STK3: variants seen among roughly 807,000 people sequenced by gnomAD.
STK3 encodes serine/threonine kinase 3.
STK3 carries 41 observed loss-of-function variants against 58.0 expected under a neutral mutation model. The ratio of observed to expected loss-of-function variants is 0.71; its 90% CI spans 0.55 to 0.92. The LOEUF is 0.92. STK3 is among the 40% of genes least tolerant of loss of function. The probability of loss-of-function intolerance (pLI) is 0.00; values close to 1 mark genes in which losing one functional copy is unlikely to be tolerated. For synonymous variants in STK3, 170 were observed against 191.0 expected, an observed-to-expected ratio of 0.89 and a Z score of 0.91; for missense variants, 479 against 602.7, an observed-to-expected ratio of 0.79 and a Z score of 2.15.
intron 10 of STK3, among the ~76,000 whole-genome samples, chr8:98,465,451 A>G (rs147495476): frequency 6.6e-6 from 1 of 152,164 alleles, no homozygotes; most frequent in Admixed American, 6.5e-5. Context: ...TTCCTGTCAG[A>G]TTGTACCTGG....
chr8:98,907,040 C>T (rs113233501), intron 1 of STK3, among the ~76,000 whole-genome samples: 2,150 of 151,118 alleles, frequency 0.014, 50 homozygotes, highest in African/African-American at 0.05. Flanking sequence ...CACCTGTAGT[C>T]CCAGCTACTC....
At chr8:98,682,881 A>G (rs1251021263) in intron 6 of STK3, among the ~76,000 whole-genome samples, 1 of 152,066 alleles carries the variant, frequency 6.6e-6, no homozygotes, top group African/African-American at 2.4e-5. Flanking sequence ...TTCCTACCCT[A>G]TGCACACCTA....
At chr8:98,518,894 A>T (rs1376886711) in intron 10 of STK3, among the ~76,000 whole-genome samples, 1 of 152,154 alleles carries the variant, frequency 6.6e-6, no homozygotes, top group Non-Finnish European at 1.5e-5. Context: ...AGTTCATGCC[A>T]CATGTACACC....
chr8:98,662,846 C>T (rs2130795951), intron 6 of STK3, among the ~76,000 whole-genome samples: 1 of 152,008 alleles, frequency 6.6e-6, no homozygotes, highest in Non-Finnish European at 1.5e-5. Flanking sequence ...CCACAACAGG[C>T]CCCGGTGTGT....
At chr8:98,391,946 C>T (rs1586546187), upstream of STK3, among the ~76,000 whole-genome samples, 1 of 152,084 alleles carries the variant, frequency 6.6e-6, no homozygotes, top group Non-Finnish European at 1.5e-5. Flanking sequence ...CTTTTTATCC[C>T]AGTTACTGAA....
At chr8:98,789,319 C>T (rs927174293) in intron 1 of STK3, among the ~76,000 whole-genome samples, 1 of 151,982 alleles carries the variant, frequency 6.6e-6, no homozygotes, top group Non-Finnish European at 1.5e-5. Flanking sequence ...TGAAAGAGCA[C>T]AGACAATCTA....
chr8:98,347,237 G>A, the STK3 span, among the ~76,000 whole-genome samples: 1,075 of 151,958 alleles, frequency 7.1e-3, 8 homozygotes, highest in Middle Eastern at 0.02. Flanking sequence ...CGTATTGGCC[G>A]GGCACGGTGG....
chr8:98,634,580 G>T (rs904094246), intron 6 of STK3, among the ~76,000 whole-genome samples: 4 of 152,124 alleles, frequency 2.6e-5, no homozygotes, highest in African/African-American at 7.2e-5. Context: ...CTAACCAGTT[G>T]TTTCAAATAC....
chr8:98,903,544 C>G (rs866802107), intron 1 of STK3, among the ~76,000 whole-genome samples: 1 of 25,352 alleles, frequency 3.9e-5, no homozygotes, highest in African/African-American at 2.0e-4. Flanking sequence ...TCTTCTTCTT[C>G]TTCTTCTTCT....
At chr8:98,762,745 C>G (rs192683150) in intron 3 of STK3, among the ~76,000 whole-genome samples, 1 of 152,270 alleles carries the variant, frequency 6.6e-6, no homozygotes, top group Non-Finnish European at 1.5e-5. Flanking sequence ...AGGGTAGGGA[C>G]TATGTCAGTT....
chr8:98,898,460 G>A (rs535269983), intron 1 of STK3, among the ~76,000 whole-genome samples: 2 of 152,360 alleles, frequency 1.3e-5, no homozygotes, highest in East Asian at 3.9e-4. Context: ...GCCACTTTAT[G>A]TAGGGAATAA....
intron 6 of STK3, among the ~76,000 whole-genome samples, chr8:98,606,813 T>A (rs7341683): frequency 8.5e-5 from 13 of 152,344 alleles, no homozygotes; most frequent in African/African-American, 3.1e-4. Context: ...CTGATTAGCA[T>A]CCTTTATAAT....
chr8:98,767,106 G>A lies in STK3; in HGVS notation c.236+137C>T, dbSNP rs541570761. On this transcript the variant is annotated intron_variant, in intron 3 of 10. Transcript: ENST00000419617. ...ATTGCACTCCAGCCTGGGCAACAAC[G>A]GCAAAACCCTGTCTCAAAAAAAAGA... 9.0e-5 allele frequency: 97 copies of A among 1,073,992 alleles called. 1 individual carries two copies. The South Asian group carries it at 1.5e-3, about 16-fold the overall frequency. The allele number at this position is 1,073,992 out of a possible 1,614,324, so 66.5% of individuals were successfully genotyped here. A position where few individuals can be genotyped will look rare whatever the true frequency, so the allele number is the denominator to read the frequency against.
intron 1 of STK3, among the ~76,000 whole-genome samples, chr8:98,796,549 T>C (rs1281853308): frequency 6.6e-6 from 1 of 152,174 alleles, no homozygotes; most frequent in Non-Finnish European, 1.5e-5. Flanking sequence ...ATTCTGGACA[T>C]CAGCCTTGGG....
chr8:98,407,753 T>TGCGC (rs1243907122), intron 3 of STK3, among the ~76,000 whole-genome samples: 1 of 110,980 alleles, frequency 9.0e-6, no homozygotes, highest in African/African-American at 2.8e-5. Context: ...TGTGTGTGTG[T>TGCGC]GTGTGCGCGC....
chr8:98,623,503 G>A (rs1001459394), intron 6 of STK3, among the ~76,000 whole-genome samples: 54 of 152,142 alleles, frequency 3.5e-4, no homozygotes, highest in African/African-American at 1.3e-3. Flanking sequence ...AAAGGCCAGG[G>A]CTGGGCACAG....
intron 1 of STK3, among the ~76,000 whole-genome samples, chr8:98,941,572 C>T (rs986731222): frequency 6.6e-6 from 1 of 152,176 alleles, no homozygotes; most frequent in African/African-American, 2.4e-5. Context: ...GTGGGAGAGG[C>T]GCGCGGTCCG....
At chr8:98,712,971 T>G (rs974519205) in intron 4 of STK3, among the ~76,000 whole-genome samples, 8 of 152,168 alleles carry the variant, frequency 5.3e-5, no homozygotes, top group Non-Finnish European at 8.8e-5. Context: ...GAACTCAGGA[T>G]TAAGAAACTC....
chr8:98,612,048 T>C (rs1229183687), intron 6 of STK3, among the ~76,000 whole-genome samples: 1 of 148,994 alleles, frequency 6.7e-6, no homozygotes, highest in Non-Finnish European at 1.5e-5. Flanking sequence ...ATAAAATATA[T>C]ATAAATATAC....
Sources: allele counts gnomAD v4.1 joint callset (sites outside exome capture counted in the v4.1 genomes callset), GRCh38; gene constraint gnomAD v4.1.1; transcripts MANE v1.5; gene names NCBI Gene and HGNC (gene_info 2026-07-23, HGNC 2026-07-21).